The following RGS20 variants were observed in gnomAD, a reference collection of about 807,000 sequenced individuals.
The protein encoded by RGS20 is regulator of G protein signaling 20, also known as gz-selective GTPase-activating protein.
In RGS20, 30 loss-of-function variants were observed where a neutral mutation model predicts 33.6. The ratio of observed to expected loss-of-function variants is 0.89; its 90% CI spans 0.67 to 1.21. The LOEUF is 1.21. RGS20 is among the 50% of genes most tolerant of loss of function. The pLI is 0.00. For synonymous variants in RGS20, 208 were observed against 197.9 expected (o/e 1.05, Z -0.43); for missense variants, 472 against 502.4 (o/e 0.94, Z 0.58).
At chr8:53,907,959 A>G (rs1022346375) in intron 2 of RGS20, among the ~76,000 whole-genome samples, 3 of 152,152 alleles carry the variant, frequency 2.0e-5, no homozygotes, top group Non-Finnish European at 2.9e-5. Flanking sequence ...AGCCCAGAAA[A>G]AATCCATCTA....
At chr8:53,957,729 C>A (rs927308058) in intron 5 of RGS20, among the ~76,000 whole-genome samples, 3 of 152,252 alleles carry the variant, frequency 2.0e-5, no homozygotes, top group African/African-American at 7.2e-5. Context: ...GCCCAGGAAC[C>A]GCTCTCACAA....
chr8:53,888,690 C>T (rs1010831501), intron 2 of RGS20, among the ~76,000 whole-genome samples: 1 of 152,160 alleles, frequency 6.6e-6, no homozygotes, highest in African/African-American at 2.4e-5. Context: ...TTTTCAGCCC[C>T]CCGTGCTCTC....
At chr8:53,902,305 C>A (rs1813053733) in intron 2 of RGS20, among the ~76,000 whole-genome samples, 1 of 152,198 alleles carries the variant, frequency 6.6e-6, no homozygotes, top group African/African-American at 2.4e-5. Context: ...TAGCCCCATT[C>A]TACTATTGAT....
intron 2 of RGS20, among the ~76,000 whole-genome samples, chr8:53,887,802 C>T (rs1585889402): frequency 6.6e-6 from 1 of 152,070 alleles, no homozygotes; most frequent in Non-Finnish European, 1.5e-5. Context: ...CATAGTGAAA[C>T]CCCGTCTCTT....
At chr8:53,944,838 A>T (rs1255242552) in intron 3 of RGS20, among the ~76,000 whole-genome samples, 1 of 152,238 alleles carries the variant, frequency 6.6e-6, no homozygotes, top group Non-Finnish European at 1.5e-5. Context: ...AAAGATGTAC[A>T]AATAGCTAGT....
chr8:53,887,497 C>T (rs1217037516), intron 2 of RGS20, among the ~76,000 whole-genome samples: 2 of 152,070 alleles, frequency 1.3e-5, no homozygotes, highest in Non-Finnish European at 2.9e-5. Context: ...GAGGCTCCAC[C>T]TGAGGTTGAG....
intron 2 of RGS20, among the ~76,000 whole-genome samples, chr8:53,934,493 A>T (rs1814071394): frequency 6.6e-6 from 1 of 152,220 alleles, no homozygotes; most frequent in African/African-American, 2.4e-5. Context: ...ACCAACAATG[A>T]TCAAAAAAGA....
intron 1 of RGS20, among the ~76,000 whole-genome samples, chr8:53,872,569 G>T (rs1395130486): frequency 6.6e-6 from 1 of 152,170 alleles, no homozygotes; most frequent in African/African-American, 2.4e-5. Flanking sequence ...TAAGTGAGTG[G>T]CTTACAAGAC....
intron 2 of RGS20, among the ~76,000 whole-genome samples, chr8:53,934,881 G>A (rs564062547): frequency 1.9e-4 from 29 of 152,148 alleles, no homozygotes; most frequent in African/African-American, 3.6e-4. Context: ...CTCGGCAAAC[G>A]CAAAAGAACA....
At chr8:53,900,369 T>C (rs1161632081) in intron 2 of RGS20, among the ~76,000 whole-genome samples, 1 of 152,112 alleles carries the variant, frequency 6.6e-6, no homozygotes, top group African/African-American at 2.4e-5. Context: ...CTCAAACTCC[T>C]GGACTTAAGC....
intron 2 of RGS20, among the ~76,000 whole-genome samples, chr8:53,932,440 G>A (rs966023947): frequency 1.3e-5 from 2 of 152,166 alleles, no homozygotes; most frequent in East Asian, 1.9e-4. Flanking sequence ...GCTTGATAGG[G>A]GGAGGGGCGT....
intron 1 of RGS20, among the ~76,000 whole-genome samples, chr8:53,866,288 G>T (rs76745243): frequency 6.6e-6 from 1 of 152,162 alleles, no homozygotes; most frequent in Non-Finnish European, 1.5e-5. Context: ...ATCGCAGAAG[G>T]TCTTCTATGC....
chr8:53,876,816 G>A (rs1190525578), intron 1 of RGS20, among the ~76,000 whole-genome samples: 1 of 152,232 alleles, frequency 6.6e-6, no homozygotes, highest in Non-Finnish European at 1.5e-5. Context: ...TGTCTCCAGA[G>A]GAGCAAAGGA....
Position 53,958,126 on chromosome 8 carries a change from ACT to A in RGS20, c.979-141_979-140del, listed in dbSNP as rs1214329984. The stretch of plus-strand genomic sequence containing the variant: ...ACTCCAGCCTGGGTGACAGAGTAAG[ACT>A]CTGTCTCAAAACAAAACAAACAACA... On this transcript the variant is annotated intron_variant, in intron 5 of 5. Coordinates refer to ENST00000297313, the MANE Select transcript of RGS20 (RefSeq NM_170587.4). 14 of 572,048 alleles carry A rather than the reference ACT, an allele frequency of 2.4e-5. No individual in the cohort carries two copies. The East Asian group carries it at 3.5e-4, about 14-fold the overall frequency. 35.4% of individuals were successfully genotyped at this position (572,048 alleles called of 1,614,324 possible).
chr8:53,893,867 T>C (rs1175266986), intron 2 of RGS20, among the ~76,000 whole-genome samples: 1 of 152,186 alleles, frequency 6.6e-6, no homozygotes, highest in African/African-American at 2.4e-5. Flanking sequence ...GATAAAATTA[T>C]GCAAAATCTA....
At chr8:53,920,348 T>A (rs952494430) in intron 2 of RGS20, among the ~76,000 whole-genome samples, 2 of 152,204 alleles carry the variant, frequency 1.3e-5, no homozygotes, top group Non-Finnish European at 2.9e-5. Flanking sequence ...ATACAATTGA[T>A]TTTTCTTTGT....
chr8:53,921,317 T>C (rs1188017780), intron 2 of RGS20, among the ~76,000 whole-genome samples: 2 of 152,160 alleles, frequency 1.3e-5, no homozygotes, highest in Non-Finnish European at 2.9e-5. Flanking sequence ...GAGAATAAGT[T>C]GGGAAGTATT....
chr8:53,935,058 C>T (rs1306203835), intron 2 of RGS20, among the ~76,000 whole-genome samples: 2 of 152,118 alleles, frequency 1.3e-5, no homozygotes, highest in African/African-American at 2.4e-5. Context: ...TTTTTTGAAA[C>T]CAATGAGAAC....
At chr8:53,913,819 G>A (rs1813411372) in intron 2 of RGS20, 1 of 152,312 alleles carries the variant, frequency 6.6e-6, no homozygotes, top group African/African-American at 2.4e-5. Flanking sequence ...TAAGCCATCG[G>A]GTTTGTGGTA....
Sources: gnomAD v4.1 joint callset for allele counts (sites outside exome capture counted in the v4.1 genomes callset) on GRCh38, gnomAD v4.1.1 for gene constraint, MANE v1.5 for transcripts, NCBI Gene and HGNC (gene_info 2026-07-23, HGNC 2026-07-21) for gene names.